Variants in NRG3 observed in about 807,000 individuals in gnomAD.
NRG3 encodes pro-neuregulin-3, membrane-bound isoform.
A neutral mutation model predicts 66.9 loss-of-function variants in NRG3; 31 were observed. The ratio of observed to expected loss-of-function variants is 0.46; its 90% CI spans 0.35 to 0.63. The LOEUF (loss-of-function observed/expected upper bound fraction) is 0.63. NRG3 is among the 20% of genes least tolerant of loss of function. The pLI, the probability that NRG3 is intolerant of heterozygous loss-of-function variation, is 0.00. For synonymous variants in NRG3, 393 were observed against 359.4 expected, an observed-to-expected ratio of 1.09 and a Z score of -1.06; for missense variants, 910 against 878.9, an observed-to-expected ratio of 1.04 and a Z score of -0.45.
intron 1 of NRG3, among the ~76,000 whole-genome samples, chr10:81,931,299 G>A (rs1034737547): frequency 1.2e-4 from 19 of 152,148 alleles, no homozygotes; most frequent in African/African-American, 4.6e-4. Flanking sequence ...AAGGGATCAT[G>A]AATATCAAAG....
At chr10:82,204,316 G>T (rs981884084) in intron 1 of NRG3, among the ~76,000 whole-genome samples, 5 of 152,162 alleles carry the variant, frequency 3.3e-5, no homozygotes, top group African/African-American at 7.2e-5. Flanking sequence ...TCTAATGAGG[G>T]TTTGTTAGTT....
At chr10:82,400,203 A>AAATATAATAAAATATATAAAT (rs2086987447) in intron 2 of NRG3, among the ~76,000 whole-genome samples, 1 of 152,178 alleles carries the variant, frequency 6.6e-6, no homozygotes, top group African/African-American at 2.4e-5. Context: ...CATTGTCAGT[A>AAATATAATAAAATATATAAAT]ATGTTAGTAA....
At chr10:82,467,240 T>C (rs1388611080) in intron 2 of NRG3, among the ~76,000 whole-genome samples, 1 of 152,224 alleles carries the variant, frequency 6.6e-6, no homozygotes, top group East Asian at 1.9e-4. Flanking sequence ...CTCAAACATT[T>C]GCTATTATGA....
chr10:82,899,418 A>C (rs753906621), intron 4 of NRG3, among the ~76,000 whole-genome samples: 1 of 152,194 alleles, frequency 6.6e-6, no homozygotes, highest in Non-Finnish European at 1.5e-5. Context: ...ACCAAAATTG[A>C]TATCTGACCA....
intron 2 of NRG3, among the ~76,000 whole-genome samples, chr10:82,587,921 GT>G (rs2133278019): frequency 6.6e-6 from 1 of 152,266 alleles, no homozygotes; most frequent in East Asian, 1.9e-4. Flanking sequence ...GAGGAAAGTA[GT>G]TTTTTTGTGT....
At chr10:81,918,026 C>G (rs1026022347) in intron 1 of NRG3, among the ~76,000 whole-genome samples, 3 of 152,142 alleles carry the variant, frequency 2.0e-5, no homozygotes, top group Non-Finnish European at 2.9e-5. Context: ...CTTTGTCATC[C>G]GAATCCATAT....
At chr10:82,565,804 T>G (rs566024256) in intron 2 of NRG3, among the ~76,000 whole-genome samples, 1 of 152,112 alleles carries the variant, frequency 6.6e-6, no homozygotes, top group Non-Finnish European at 1.5e-5. Context: ...CGTTGGAAGG[T>G]ATGTAATTCT....
intron 1 of NRG3, among the ~76,000 whole-genome samples, chr10:82,324,839 C>A (rs1361852054): frequency 6.6e-6 from 1 of 152,112 alleles, no homozygotes; most frequent in African/African-American, 2.4e-5. Flanking sequence ...TATGATCTAT[C>A]CTAGTAAATG....
chr10:81,992,733 C>G (rs980297065), intron 1 of NRG3, among the ~76,000 whole-genome samples: 1 of 152,132 alleles, frequency 6.6e-6, no homozygotes, highest in Non-Finnish European at 1.5e-5. Flanking sequence ...GGTCTCCATT[C>G]TATAGGCTCT....
intron 4 of NRG3, among the ~76,000 whole-genome samples, chr10:82,931,987 T>C (rs1336262471): frequency 2.6e-5 from 4 of 152,202 alleles, no homozygotes; most frequent in African/African-American, 9.6e-5. Flanking sequence ...TTATCTGGCC[T>C]ATAGGATCAT....
intron 2 of NRG3, among the ~76,000 whole-genome samples, chr10:82,662,764 A>G (rs1185511301): frequency 1.3e-5 from 2 of 152,172 alleles, no homozygotes; most frequent in African/African-American, 2.4e-5. Flanking sequence ...GTAGAAGTAC[A>G]TCTCTCCCTC....
At chr10:82,628,446 G>T (rs1016282718) in intron 2 of NRG3, among the ~76,000 whole-genome samples, 2 of 152,094 alleles carry the variant, frequency 1.3e-5, no homozygotes, top group African/African-American at 4.8e-5. Context: ...CATTATTTGA[G>T]TTGGCTCTCA....
At chr10:82,132,518 TATATATGATATATATATG>T (rs2068977540) in intron 1 of NRG3, among the ~76,000 whole-genome samples, 1 of 13,138 alleles carries the variant, frequency 7.6e-5, no homozygotes, top group Admixed American at 4.3e-4. Flanking sequence ...ATATATATGA[TATATATGATATATATATG>T]ATATATATAT....
chr10:82,052,081 A>G (rs1263908667), intron 1 of NRG3, among the ~76,000 whole-genome samples: 1 of 148,070 alleles, frequency 6.8e-6, no homozygotes, highest in African/African-American at 2.5e-5. Context: ...CTGGCAATGT[A>G]TGACAGGCAG....
At chr10:82,214,340 T>A (rs965497956) in intron 1 of NRG3, among the ~76,000 whole-genome samples, 1 of 152,136 alleles carries the variant, frequency 6.6e-6, no homozygotes, top group Non-Finnish European at 1.5e-5. Flanking sequence ...ATACTGCTTC[T>A]CTATCCTGTT....
In NRG3 at chr10:82,973,783, C is replaced by T; in HGVS notation, c.1285-5C>T. On this transcript the variant is annotated splice_polypyrimidine_tract_variant and splice_region_variant and intron_variant, in intron 6 of 8. Transcript: ENST00000372141. ...TCTCAACTCTGTACGTGTGATTTCC[C>T]ACAGTATTCAAAGGTGGAAAGGCAT... is the stretch of plus-strand genomic sequence containing the variant. 6.2e-7 allele frequency: 1 copy of T among 1,613,866 alleles called. No homozygotes were observed. Among genetic ancestry groups the T allele is most frequent in the Non-Finnish European group, 8.5e-7 (1 of 1,179,828 alleles).
chr10:82,725,743 GA>G (rs2057562349), intron 2 of NRG3, among the ~76,000 whole-genome samples: 1 of 152,094 alleles, frequency 6.6e-6, no homozygotes, highest in Non-Finnish European at 1.5e-5. Context: ...ACACATACAA[GA>G]AATTGTTGTT....
rs566735486 is a variant in NRG3 at position 82,219,580 on chromosome 10, A to G, written c.824-139159A>G. Among the ~76,000 whole-genome samples the G allele has an allele frequency of 5.9e-5, 9 of 152,142 alleles. No individual in the cohort carries two copies. The East Asian group carries it at 1.7e-3, about 29-fold the overall frequency. On this transcript the variant is annotated intron_variant, in intron 1 of 8. Transcript: ENST00000372141. ...AATTCTATTTCTTCAGTTTCTCTAGATGCTTTATCTGGCCAAATAGTGTAT... is the reference window on the plus strand; with the variant it reads ...AATTCTATTTCTTCAGTTTCTCTAGGTGCTTTATCTGGCCAAATAGTGTAT...
chr10:82,335,296 C>A (rs2082334076), intron 1 of NRG3, among the ~76,000 whole-genome samples: 1 of 152,090 alleles, frequency 6.6e-6, no homozygotes, highest in Non-Finnish European at 1.5e-5. Context: ...AGGATATAGC[C>A]AATGATGGCT....
Sources: gnomAD v4.1 joint callset for allele counts (sites outside exome capture counted in the v4.1 genomes callset) on GRCh38, gnomAD v4.1.1 for gene constraint, MANE v1.5 for transcripts, NCBI Gene and HGNC (gene_info 2026-07-23, HGNC 2026-07-21) for gene names.